ARHGEF38: variants seen among roughly 807,000 people sequenced by gnomAD.
ARHGEF38 encodes the protein Rho guanine nucleotide exchange factor (GEF) 38.
In ARHGEF38, 79 loss-of-function variants were observed where a neutral mutation model predicts 79.9. The ratio of observed to expected loss-of-function variants is 0.99; its 90% CI spans 0.82 to 1.19. The LOEUF is 1.19. Among genes scored for constraint, ARHGEF38 ranks in the 50% most tolerant of loss-of-function variants. ARHGEF38 has a pLI of 0.00. For synonymous variants in ARHGEF38, 366 were observed against 328.3 expected (o/e 1.11, Z -1.24); for missense variants, 962 against 907.2 (o/e 1.06, Z -0.78).
intron 13 of ARHGEF38, among the ~76,000 whole-genome samples, chr4:105,673,049 T>C (rs760074028): frequency 6.6e-6 from 1 of 152,152 alleles, no homozygotes; most frequent in Non-Finnish European, 1.5e-5. Flanking sequence ...TCCAGGATAA[T>C]CCCTCTTTTG....
intron 9 of ARHGEF38, among the ~76,000 whole-genome samples, chr4:105,656,166 C>T (rs901177306): frequency 6.6e-6 from 1 of 152,098 alleles, no homozygotes; most frequent in African/African-American, 2.4e-5. Context: ...GCAATCCTCG[C>T]TCCTCAGCCT....
chr4:105,659,032 G>C, intron 9 of ARHGEF38, 22 bp from the exon 10 acceptor site: 3 of 1,517,262 alleles, frequency 2.0e-6, no homozygotes, highest in Non-Finnish European at 2.6e-6. Flanking sequence ...CTCTGAAATG[G>C]GCTCATTTTT....
chr4:105,630,321 C>T (rs1212185411), intron 3 of ARHGEF38, among the ~76,000 whole-genome samples: 2 of 151,094 alleles, frequency 1.3e-5, no homozygotes, highest in African/African-American at 2.4e-5. Context: ...AATCTCAGCT[C>T]GCTGCAACCT....
At chr4:105,646,215 T>G (rs940883167) in intron 6 of ARHGEF38, among the ~76,000 whole-genome samples, 1 of 151,994 alleles carries the variant, frequency 6.6e-6, no homozygotes, top group African/African-American at 2.4e-5. Context: ...TATTAGTAAA[T>G]TAAAAAGAAA....
chr4:105,621,312 G>A (rs1728727335), intron 3 of ARHGEF38, among the ~76,000 whole-genome samples: 1 of 152,204 alleles, frequency 6.6e-6, no homozygotes, highest in Non-Finnish European at 1.5e-5. Context: ...AATAGCAATA[G>A]TCCTCTTATA....
At chr4:105,607,968 T>TA (rs112085368) in intron 2 of ARHGEF38, among the ~76,000 whole-genome samples, 5,062 of 151,414 alleles carry the variant, frequency 0.033, 195 homozygotes, top group African/African-American at 0.088. Context: ...GGCTTCTATT[T>TA]AAAAAAAAAT....
At chr4:105,556,898 C>A (rs1053436403) in intron 1 of ARHGEF38, among the ~76,000 whole-genome samples, 1 of 152,118 alleles carries the variant, frequency 6.6e-6, no homozygotes, top group Non-Finnish European at 1.5e-5. Flanking sequence ...TTAAAATGTA[C>A]AGAATTTATA....
At chr4:105,561,400 T>TAGAAAATAGAATGG (rs59437354) in intron 1 of ARHGEF38, among the ~76,000 whole-genome samples, 20 of 30,184 alleles carry the variant, frequency 6.6e-4, no homozygotes, top group African/African-American at 2.3e-3. Flanking sequence ...TAGAGTAGAA[T>TAGAAAATAGAATGG]AATAGAATAG....
Position 105,677,927 on chromosome 4 carries a change from C to A in ARHGEF38, c.2324C>A (p.Thr775Asn), listed in dbSNP as rs1279191549. The change falls in exon 14 of 14, where the codon ACT becomes AAT. Residue 775 changes from threonine to asparagine, a missense_variant. Coordinates refer to ENST00000420470, the MANE Select transcript of ARHGEF38 (RefSeq NM_001242729.2). ...YVPANYLGKM[T>N]YA is the part of the protein sequence containing the mutation. ...CCAGCTAACTACCTTGGAAAGATGA[C>A]TTATGCTTAAGAAAATAAGCCTTCA... 4.0e-6 allele frequency: 6 copies of A among 1,509,238 alleles called. No homozygotes were observed. The Admixed American group carries it at 1.2e-4, about 31-fold the overall frequency. The allele number at this position is 1,509,238 out of a possible 1,614,324, so 93.5% of individuals were successfully genotyped here. A position where few individuals can be genotyped will look rare whatever the true frequency, so the allele number is the denominator to read the frequency against.
At chr4:105,654,027 T>C in intron 7 of ARHGEF38, 38 bp from the exon 8 acceptor site, 1 of 1,213,100 alleles carries the variant, frequency 8.2e-7, no homozygotes, top group South Asian at 1.6e-5. Context: ...AATATCTGTT[T>C]CATTTGAGTT....
At chr4:105,661,444 C>T (rs1240473850) in intron 10 of ARHGEF38, among the ~76,000 whole-genome samples, 4 of 150,504 alleles carry the variant, frequency 2.7e-5, no homozygotes, top group Non-Finnish European at 3.0e-5. Context: ...TCAGCAGTAT[C>T]GACTGAGAGT....
chr4:105,677,050 G>T (rs1262927202), intron 13 of ARHGEF38, among the ~76,000 whole-genome samples: 1 of 151,440 alleles, frequency 6.6e-6, no homozygotes. Flanking sequence ...TGCAACCACC[G>T]CCTCCCGGGT....
chr4:105,609,937 G>A (rs535005797), intron 2 of ARHGEF38, among the ~76,000 whole-genome samples: 4 of 152,172 alleles, frequency 2.6e-5, no homozygotes, highest in African/African-American at 9.6e-5. Context: ...GTTTACAATA[G>A]CAAAGACATA....
chr4:105,641,245 G>A (rs1729603722), intron 5 of ARHGEF38, among the ~76,000 whole-genome samples: 1 of 151,876 alleles, frequency 6.6e-6, no homozygotes, highest in African/African-American at 2.4e-5. Context: ...GATTTTCAAT[G>A]GACCCTCCTT....
At chr4:105,570,833 C>T (rs1726186736) in intron 1 of ARHGEF38, among the ~76,000 whole-genome samples, 4 of 152,110 alleles carry the variant, frequency 2.6e-5, no homozygotes, top group Admixed American at 2.6e-4. Context: ...ATTCTGATAA[C>T]ATGATATAAC....
At chr4:105,645,556 T>G (rs779229615) in intron 6 of ARHGEF38, among the ~76,000 whole-genome samples, 169 bp downstream of exon 6, 1 of 152,138 alleles carries the variant, frequency 6.6e-6, no homozygotes, top group African/African-American at 2.4e-5. Context: ...TCAGCTGGGT[T>G]AAGGAGAAGA....
At chr4:105,674,573 G>A (rs937941805) in intron 13 of ARHGEF38, among the ~76,000 whole-genome samples, 1 of 151,944 alleles carries the variant, frequency 6.6e-6, no homozygotes, top group Non-Finnish European at 1.5e-5. Context: ...ACTTAAAAAA[G>A]AGACTGAAAA....
At chr4:105,673,267 G>A (rs893526598) in intron 13 of ARHGEF38, among the ~76,000 whole-genome samples, 2 of 152,126 alleles carry the variant, frequency 1.3e-5, no homozygotes, top group African/African-American at 4.8e-5. Flanking sequence ...CTTCCAGAGT[G>A]TCTAAGATGC....
chr4:105,632,484 C>T (rs1349051091), intron 4 of ARHGEF38, among the ~76,000 whole-genome samples: 1 of 152,062 alleles, frequency 6.6e-6, no homozygotes, highest in African/African-American at 2.4e-5. Flanking sequence ...TTCAGAGAAA[C>T]ATTCAAATTT....
Sources: allele counts gnomAD v4.1 joint callset (sites outside exome capture counted in the v4.1 genomes callset), GRCh38; gene constraint gnomAD v4.1.1; transcripts MANE v1.5; gene names NCBI Gene and HGNC (gene_info 2026-07-23, HGNC 2026-07-21).